Variants in RORA observed in about 807,000 individuals in gnomAD.
RORA encodes nuclear receptor ROR-alpha.
A neutral mutation model predicts 69.5 loss-of-function variants in RORA; 7 were observed. That is an observed-to-expected ratio of 0.10 (90% CI 0.06 to 0.19). The LOEUF is 0.19. Ranked by LOEUF, RORA falls within the 10% of genes least tolerant of loss-of-function variation. The pLI is 1.00. For missense variants in RORA, 457 were observed against 663.0 expected (o/e 0.69, Z 3.41); for synonymous variants, 261 against 240.8 (o/e 1.08, Z -0.78).
chr15:60,565,629 A>T (rs2067692586), intron 2 of RORA, among the ~76,000 whole-genome samples: 1 of 152,244 alleles, frequency 6.6e-6, no homozygotes, highest in South Asian at 2.1e-4. Flanking sequence ...AGGCAACAGC[A>T]GCTTCCGAAA....
chr15:60,798,602 A>C (rs1444704564), intron 1 of RORA, among the ~76,000 whole-genome samples: 2 of 151,884 alleles, frequency 1.3e-5, no homozygotes, highest in Non-Finnish European at 2.9e-5. Flanking sequence ...AGGCAAGCAG[A>C]AGTCACCAAA....
intron 1 of RORA, among the ~76,000 whole-genome samples, chr15:61,016,002 C>T (rs1339427619): frequency 6.6e-6 from 1 of 152,102 alleles, no homozygotes; most frequent in African/African-American, 2.4e-5. Flanking sequence ...GTCATGATAT[C>T]GGAGAGATGA....
At chr15:60,683,647 T>TACACAC (rs59854874) in intron 1 of RORA, among the ~76,000 whole-genome samples, 29,367 of 148,516 alleles carry the variant, frequency 0.2, 3,428 homozygotes, top group Admixed American at 0.37. Context: ...CAGATACACA[T>TACACAC]ACACACACAC....
In RORA at chr15:61,034,844, G is replaced by T. The variant is rs2689342; in HGVS notation, c.166+194209C>A. Among the ~76,000 whole-genome samples the T allele has an allele frequency of 2.9e-3, 391 of 133,440 alleles. 2 individuals are homozygous for T. Among genetic ancestry groups the T allele is most frequent in the Non-Finnish European group, 4.3e-3 (274 of 63,496 alleles). The allele number at this position is 133,440 out of a possible 152,430, so 87.5% of individuals were successfully genotyped here. ...AAGGAAGTAGTGTTACATACTTGAA[G>T]AATTTTCTGAAGTTAGCCAAGAAAA... On this transcript the variant is annotated intron_variant, in intron 1 of 10. Transcript: ENST00000335670.
intron 1 of RORA, among the ~76,000 whole-genome samples, chr15:61,190,125 T>C (rs1462283307): frequency 6.6e-6 from 1 of 152,092 alleles, no homozygotes; most frequent in South Asian, 2.1e-4. Context: ...GTGAGGCTAA[T>C]TCTCATGCTT....
At chr15:61,144,374 G>A (rs912010291) in intron 1 of RORA, among the ~76,000 whole-genome samples, 3 of 152,234 alleles carry the variant, frequency 2.0e-5, no homozygotes, top group Non-Finnish European at 4.4e-5. Flanking sequence ...TCCGAGGAAA[G>A]GGGCGTGACT....
chr15:61,007,850 A>C (rs1276811041), intron 1 of RORA, among the ~76,000 whole-genome samples: 1 of 148,878 alleles, frequency 6.7e-6, no homozygotes, highest in African/African-American at 2.4e-5. Flanking sequence ...CATTAGCCTA[A>C]TGTTATATAA....
intron 2 of RORA, among the ~76,000 whole-genome samples, chr15:60,620,264 G>C (rs1316882320): frequency 5.3e-5 from 8 of 152,130 alleles, no homozygotes; most frequent in Non-Finnish European, 1.2e-4. Flanking sequence ...AAATGTGAAA[G>C]GGAAAAAGAC....
intron 1 of RORA, among the ~76,000 whole-genome samples, chr15:61,006,700 A>T (rs535424826): frequency 1.3e-5 from 2 of 152,136 alleles, no homozygotes; most frequent in African/African-American, 4.8e-5. Flanking sequence ...TTTTCTCAGG[A>T]AAGACCATGA....
chr15:61,026,192 T>C (rs1895801951), intron 1 of RORA, among the ~76,000 whole-genome samples: 3 of 152,224 alleles, frequency 2.0e-5, no homozygotes, highest in Admixed American at 6.5e-5. Context: ...TCATCCATCG[T>C]TGTTAAAACT....
chr15:60,698,817 C>T (rs1042356709), intron 1 of RORA, among the ~76,000 whole-genome samples: 7 of 151,958 alleles, frequency 4.6e-5, no homozygotes, highest in Admixed American at 3.9e-4. Context: ...AAAAAGGTGT[C>T]CCTTTAAAAT....
chr15:61,091,858 G>T (rs2078712585), intron 1 of RORA, among the ~76,000 whole-genome samples: 1 of 152,092 alleles, frequency 6.6e-6, no homozygotes, highest in Non-Finnish European at 1.5e-5. Flanking sequence ...TTCCTGATTT[G>T]TTCCTACAAG....
chr15:60,538,882 A>ATCTT (rs1442040179), intron 2 of RORA, among the ~76,000 whole-genome samples: 3 of 152,148 alleles, frequency 2.0e-5, no homozygotes, highest in African/African-American at 7.2e-5. Context: ...AATGTTCTGC[A>ATCTT]TCTTACTAAA....
chr15:61,187,302 C>T (rs1452914396), intron 1 of RORA, among the ~76,000 whole-genome samples: 1 of 152,334 alleles, frequency 6.6e-6, no homozygotes, highest in Non-Finnish European at 1.5e-5. Context: ...ACAGGCGGCC[C>T]GCCAGGCCCA....
intron 1 of RORA, among the ~76,000 whole-genome samples, chr15:60,849,673 G>T (rs2073303483): frequency 6.6e-6 from 1 of 152,200 alleles, no homozygotes; most frequent in Non-Finnish European, 1.5e-5. Context: ...GGTCTGATTT[G>T]CAATGTTTGC....
chr15:60,765,245 A>G lies in RORA; in HGVS notation c.167-86559T>C, dbSNP rs145156639. ...GTTTGGTTTCTTACTGTTTACATCT[A>G]TGAGTCAAAGTAGCTTGCTCCCAGG... On this transcript the variant is annotated intron_variant, in intron 1 of 10. Transcript: ENST00000335670. The G allele has an allele frequency of 1.1e-4, 16 of 152,180 alleles. No individual in the cohort carries two copies. In the East Asian group the frequency reaches 3.1e-3, roughly 29 times the overall value. The allele number at this position is 152,180 out of a possible 1,614,324, so 9.4% of individuals were successfully genotyped here.
chr15:60,567,422 T>TA (rs2067749658), intron 2 of RORA, among the ~76,000 whole-genome samples: 1 of 151,170 alleles, frequency 6.6e-6, no homozygotes. Flanking sequence ...TATTATTTTT[T>TA]TTTTTCTGAG....
At chr15:60,503,494 G>C in intron 7 of RORA, 41 bp downstream of exon 7, 1 of 1,609,130 alleles carries the variant, frequency 6.2e-7, no homozygotes. Flanking sequence ...GGTGAAAGCA[G>C]GTTAGGAAGA....
chr15:60,722,092 A>G (rs1256085720), intron 1 of RORA, among the ~76,000 whole-genome samples: 1 of 152,242 alleles, frequency 6.6e-6, no homozygotes, highest in Non-Finnish European at 1.5e-5. Context: ...AAACCTATCA[A>G]AGAAATAACA....
Sources: gnomAD v4.1 joint callset for allele counts (sites outside exome capture counted in the v4.1 genomes callset) on GRCh38, gnomAD v4.1.1 for gene constraint, MANE v1.5 for transcripts, NCBI Gene and HGNC (gene_info 2026-07-23, HGNC 2026-07-21) for gene names.